COL13A1: variants seen among roughly 807,000 people sequenced by gnomAD.
COL13A1 encodes collagen alpha-1(XIII) chain.
A neutral mutation model predicts 130.9 loss-of-function variants in COL13A1; 89 were observed. The ratio of observed to expected loss-of-function variants is 0.68; its 90% CI spans 0.57 to 0.81. The LOEUF (loss-of-function observed/expected upper bound fraction) is 0.81. Ranked by LOEUF, COL13A1 falls within the 30% of genes least tolerant of loss-of-function variation. The pLI is 0.00. For missense variants in COL13A1, 879 were observed against 934.6 expected (o/e 0.94, Z 0.78); for synonymous variants, 402 against 341.6 (o/e 1.18, Z -1.95).
chr10:69,958,647 C>T (rs2071278027), intron 40 of COL13A1, 52 bp from the exon 41 acceptor site: 5 of 1,612,376 alleles, frequency 3.1e-6, no homozygotes, highest in African/African-American at 1.3e-5. Flanking sequence ...GGAAATAAAC[C>T]TCTGCAGACC....
At chr10:69,957,922 C>T (rs933796505) in intron 40 of COL13A1, among the ~76,000 whole-genome samples, 7 of 152,146 alleles carry the variant, frequency 4.6e-5, no homozygotes, top group African/African-American at 7.2e-5. Flanking sequence ...CTGTGCTCAA[C>T]GAATCCAGTC....
chr10:69,886,631 T>A (rs12768311), intron 7 of COL13A1, among the ~76,000 whole-genome samples: 16,739 of 152,134 alleles, frequency 0.11, 956 homozygotes, highest in Middle Eastern at 0.25. Context: ...CTTTGCTGGT[T>A]CTTGAGAGGG....
intron 22 of COL13A1, 82 bp downstream of exon 22, chr10:69,922,017 A>C: frequency 6.8e-7 from 1 of 1,471,664 alleles, no homozygotes; most frequent in Non-Finnish European, 9.1e-7. Flanking sequence ...CACAGGCCCC[A>C]GCATTGGACG....
intron 18 of COL13A1, 107 bp from the exon 19 acceptor site, chr10:69,918,171 AGTGAGCG>A: frequency 1.2e-6 from 1 of 861,620 alleles, no homozygotes; most frequent in Non-Finnish European, 1.8e-6. Flanking sequence ...GGTTGGGAGG[AGTGAGCG>A]GTCCTCCTTC....
intron 7 of COL13A1, among the ~76,000 whole-genome samples, chr10:69,887,114 C>T (rs922753737): frequency 3.3e-5 from 5 of 152,192 alleles, no homozygotes; most frequent in African/African-American, 9.7e-5. Flanking sequence ...CCATGTGCTG[C>T]GGGCTGAGTC....
chr10:69,910,395 A>G (rs1271206666), intron 17 of COL13A1, among the ~76,000 whole-genome samples: 3 of 151,922 alleles, frequency 2.0e-5, no homozygotes, highest in Admixed American at 6.6e-5. Context: ...GGCCCCCCAC[A>G]TGAGCTTCCT....
intron 8 of COL13A1, among the ~76,000 whole-genome samples, chr10:69,887,870 G>A (rs1396380173): frequency 1.3e-5 from 2 of 152,188 alleles, no homozygotes; most frequent in East Asian, 3.9e-4. Flanking sequence ...GGGAGGCAGA[G>A]GGGTGGCCAT....
chr10:69,830,445 A>G (rs1388457778), intron 2 of COL13A1, among the ~76,000 whole-genome samples: 2 of 152,146 alleles, frequency 1.3e-5, no homozygotes, highest in Non-Finnish European at 2.9e-5. Flanking sequence ...CAGCAATTCC[A>G]GGGCTGGATC....
At position 69,902,837 on chromosome 10, in the gene COL13A1, A is replaced by G. The variant is rs1458460392; in HGVS notation, c.840A>G (p.Pro280=). ...GACCTCTGGGGCACCCAGGACTGCC[A>G]GGGCCTATGGGGCCACCTGTAAGTA... The part of the protein sequence containing the change: ...PSGPLGHPGL[P]GPMGPPGLPG... The change falls in exon 15 of 41, where the codon CCA becomes CCG. Residue 280 remains proline (P), a synonymous_variant. Transcript: ENST00000645393. The G allele has an allele frequency of 1.9e-6, 3 of 1,542,134 alleles. No individual in the cohort carries two copies. In the South Asian group the frequency reaches 3.6e-5, roughly 19 times the overall value.
chr10:69,921,093 T>A (rs926519095), intron 21 of COL13A1, among the ~76,000 whole-genome samples: 1 of 152,186 alleles, frequency 6.6e-6, no homozygotes, highest in Non-Finnish European at 1.5e-5. Context: ...GTCCCACAGT[T>A]CTGGAAGCTG....
At chr10:69,834,446 G>A (rs1272524817) in intron 2 of COL13A1, among the ~76,000 whole-genome samples, 1 of 152,172 alleles carries the variant, frequency 6.6e-6, no homozygotes, top group African/African-American at 2.4e-5. Context: ...GGCCAAGGAG[G>A]GGTTGAGGCA....
intron 1 of COL13A1, among the ~76,000 whole-genome samples, chr10:69,808,293 A>C (rs1382526060): frequency 6.6e-6 from 1 of 151,682 alleles, no homozygotes; most frequent in African/African-American, 2.4e-5. Flanking sequence ...CTTCTTAATC[A>C]CTCTAGACTT....
chr10:69,913,798 T>TGGCA (rs2063633181), intron 17 of COL13A1, among the ~76,000 whole-genome samples: 1 of 138,370 alleles, frequency 7.2e-6, no homozygotes, highest in African/African-American at 2.7e-5. Context: ...GAGAGTGGAG[T>TGGCA]GAGCGGCAGA....
rs572466212 is a variant in COL13A1 at position 69,925,121 on chromosome 10, C to T, written c.1329+114C>T. On this transcript the variant is annotated intron_variant, in intron 25 of 40. Coordinates refer to ENST00000645393, the MANE Select transcript of COL13A1 (RefSeq NM_001368882.1). ...GTTTATTTTGCCAAGGTTAAGGGCA[C>T]GTGCCCAAGAGACAGGTCTGTGCCT... The T allele has an allele frequency of 7.5e-5, 81 of 1,086,608 alleles. No homozygotes were observed. In the South Asian group the frequency reaches 1.5e-3, roughly 20 times the overall value. 67.3% of individuals were successfully genotyped at this position (1,086,608 alleles called of 1,614,324 possible).
intron 18 of COL13A1, 53 bp downstream of exon 18, chr10:69,917,386 C>A: frequency 6.6e-7 from 1 of 1,508,088 alleles, no homozygotes; most frequent in Non-Finnish European, 9.1e-7. Context: ...TCCCCCAGTG[C>A]CCATCCCTCT....
intron 9 of COL13A1, 88 bp from the exon 10 acceptor site, chr10:69,889,326 C>CGGGGG: frequency 6.7e-6 from 6 of 895,354 alleles, no homozygotes; most frequent in South Asian, 4.6e-5. Flanking sequence ...GGGAGGAGCA[C>CGGGGG]AGGGGGCAGG....
chr10:69,874,587 T>C (rs1374620773), intron 4 of COL13A1, among the ~76,000 whole-genome samples: 1 of 151,978 alleles, frequency 6.6e-6, no homozygotes, highest in Non-Finnish European at 1.5e-5. Context: ...GTACTGGAGG[T>C]GGCCGAGAGG....
intron 30 of COL13A1, 106 bp downstream of exon 30, chr10:69,930,658 A>G: frequency 7.6e-7 from 1 of 1,315,328 alleles, no homozygotes; most frequent in Non-Finnish European, 1.0e-6. Flanking sequence ...TGCCTGGGCT[A>G]GAAACCTGGG....
intron 26 of COL13A1, 23 bp from the exon 27 acceptor site, chr10:69,927,064 A>T (rs762947699): frequency 6.2e-7 from 1 of 1,613,526 alleles, no homozygotes; most frequent in Non-Finnish European, 8.5e-7. Flanking sequence ...TCTTCAACTG[A>T]TTGCCTGGTG....
Sources: allele counts gnomAD v4.1 joint callset (sites outside exome capture counted in the v4.1 genomes callset), GRCh38; gene constraint gnomAD v4.1.1; transcripts MANE v1.5; gene names NCBI Gene and HGNC (gene_info 2026-07-23, HGNC 2026-07-21).